Variants in FHIT observed in about 807,000 individuals in gnomAD.
FHIT encodes fragile histidine triad diadenosine triphosphatase.
FHIT carries 19 observed loss-of-function variants against 17.9 expected under a neutral mutation model. That is an observed-to-expected ratio of 1.06 (90% CI 0.74 to 1.56). The LOEUF (loss-of-function observed/expected upper bound fraction) is 1.56, where lower values mean the gene tolerates loss of function less well. Among genes scored for constraint, FHIT ranks in the 40% most tolerant of loss-of-function variants. The pLI, the probability that FHIT is intolerant of heterozygous loss-of-function variation, is 0.00. For missense variants in FHIT, 248 were observed against 189.2 expected, an observed-to-expected ratio of 1.31 and a Z score of -1.82; for synonymous variants, 81 against 69.7, an observed-to-expected ratio of 1.16 and a Z score of -0.81.
intron 5 of FHIT, among the ~76,000 whole-genome samples, chr3:60,433,487 CCATA>C (rs1271478744): frequency 6.6e-6 from 1 of 152,044 alleles, no homozygotes; most frequent in African/African-American, 2.4e-5. Flanking sequence ...TTAGAAATCT[CCATA>C]CAGTTTTCTA....
intron 5 of FHIT, among the ~76,000 whole-genome samples, chr3:60,325,722 C>T (rs1559821571): frequency 6.6e-6 from 1 of 152,300 alleles, no homozygotes; most frequent in East Asian, 1.9e-4. Context: ...AATACAGAGT[C>T]AAACTACAAT....
chr3:60,466,863 TG>T (rs1226527778), intron 5 of FHIT, among the ~76,000 whole-genome samples: 1 of 151,582 alleles, frequency 6.6e-6, no homozygotes, highest in African/African-American at 2.4e-5. Context: ...GTCTGGTTTT[TG>T]TATCAGGGTG....
chr3:60,282,049 G>C (rs1011890001), intron 5 of FHIT, among the ~76,000 whole-genome samples: 1 of 152,134 alleles, frequency 6.6e-6, no homozygotes, highest in African/African-American at 2.4e-5. Flanking sequence ...TTCATGCATT[G>C]TTGGTGGAAA....
intron 5 of FHIT, among the ~76,000 whole-genome samples, chr3:60,366,096 A>G (rs1185577257): frequency 6.6e-6 from 1 of 152,244 alleles, no homozygotes; most frequent in African/African-American, 2.4e-5. Flanking sequence ...TTGTTTTCAG[A>G]AAATGAGTCC....
At chr3:60,230,097 G>A (rs890672585) in intron 5 of FHIT, among the ~76,000 whole-genome samples, 5 of 152,274 alleles carry the variant, frequency 3.3e-5, no homozygotes, top group Non-Finnish European at 5.9e-5. Flanking sequence ...GCCACATGTA[G>A]CTAAATTTAA....
chr3:60,586,068 TAA>T (rs1345771817), intron 4 of FHIT, among the ~76,000 whole-genome samples: 1 of 151,964 alleles, frequency 6.6e-6, no homozygotes, highest in African/African-American at 2.4e-5. Flanking sequence ...TGCTGGTTTA[TAA>T]GACACAGCTG....
chr3:59,870,307 A>G (rs568542207), intron 8 of FHIT, among the ~76,000 whole-genome samples: 46 of 152,322 alleles, frequency 3.0e-4, no homozygotes, highest in Non-Finnish European at 5.6e-4. Context: ...ACAGGTGAGG[A>G]AACTGAAGCT....
chr3:60,497,559 G>A lies in FHIT; in HGVS notation c.103+39301C>T, dbSNP rs192678134. The stretch of plus-strand genomic sequence containing the variant: ...AATATTCTCACACTCACGATCAAAC[G>A]TATTTGCACTTTTTTTCAGTGTTTG... On this transcript the variant is annotated intron_variant, in intron 5 of 9. Coordinates refer to ENST00000492590, the MANE Select transcript of FHIT (RefSeq NM_002012.4). 1.2e-3 allele frequency among the ~76,000 whole-genome samples: 187 copies of A among 152,090 alleles called. 1 individual carries two copies. Among genetic ancestry groups the A allele is most frequent in the African/African-American group, 4.2e-3 (173 of 41,496 alleles).
chr3:60,346,147 G>A (rs1710767149), intron 5 of FHIT, among the ~76,000 whole-genome samples: 1 of 152,166 alleles, frequency 6.6e-6, no homozygotes, highest in South Asian at 2.1e-4. Flanking sequence ...CAAATACACA[G>A]TGACTCCTTA....
At chr3:60,737,083 A>G (rs782030588) in intron 4 of FHIT, among the ~76,000 whole-genome samples, 1 of 152,190 alleles carries the variant, frequency 6.6e-6, no homozygotes, top group Non-Finnish European at 1.5e-5. Context: ...CATAAAAGCT[A>G]TTCGGAGATC....
intron 5 of FHIT, among the ~76,000 whole-genome samples, chr3:60,019,217 G>C (rs376462630): frequency 6.6e-6 from 1 of 151,902 alleles, no homozygotes. Flanking sequence ...ACATTCTATC[G>C]GTCAAAGAAA....
At chr3:60,421,932 C>T (rs936740466) in intron 5 of FHIT, among the ~76,000 whole-genome samples, 7 of 151,986 alleles carry the variant, frequency 4.6e-5, no homozygotes, top group Non-Finnish European at 7.4e-5. Context: ...ACTGGCAAGG[C>T]GCTATCAGCC....
chr3:60,014,486 T>G (rs1354414310), intron 5 of FHIT, among the ~76,000 whole-genome samples: 1 of 152,202 alleles, frequency 6.6e-6, no homozygotes, highest in African/African-American at 2.4e-5. Context: ...TTGACCCCTA[T>G]TCTAAAGCTG....
chr3:60,424,320 G>A (rs1056342441), intron 5 of FHIT, among the ~76,000 whole-genome samples: 2 of 152,118 alleles, frequency 1.3e-5, no homozygotes, highest in African/African-American at 4.8e-5. Flanking sequence ...GCTAATATCG[G>A]AGAACATGTT....
intron 8 of FHIT, among the ~76,000 whole-genome samples, chr3:59,839,205 C>G (rs1701443466): frequency 1.3e-5 from 2 of 151,708 alleles, no homozygotes; most frequent in African/African-American, 4.8e-5. Flanking sequence ...GTAATCCCAC[C>G]TACTCAGGAG....
At chr3:61,107,698 T>C (rs1471627928) in intron 2 of FHIT, among the ~76,000 whole-genome samples, 1 of 152,192 alleles carries the variant, frequency 6.6e-6, no homozygotes, top group African/African-American at 2.4e-5. Context: ...AGGAGTTTAA[T>C]TGAGCAATGA....
intron 7 of FHIT, among the ~76,000 whole-genome samples, chr3:59,928,919 T>C (rs9682843): frequency 0.16 from 21,941 of 135,266 alleles, 2,035 homozygotes; most frequent in Middle Eastern, 0.32. Flanking sequence ...CTCTTAAACC[T>C]GGGAGGTGGA....
At chr3:59,865,421 C>G (rs1400658998) in intron 8 of FHIT, among the ~76,000 whole-genome samples, 2 of 152,234 alleles carry the variant, frequency 1.3e-5, no homozygotes, top group South Asian at 4.1e-4. Flanking sequence ...TAAGCCTTGT[C>G]AGTGTTAATC....
chr3:61,225,860 A>G (rs2039958606), intron 1 of FHIT, among the ~76,000 whole-genome samples: 1 of 152,246 alleles, frequency 6.6e-6, no homozygotes, highest in Non-Finnish European at 1.5e-5. Flanking sequence ...ACAATTCTAT[A>G]AATACAATGT....
Sources: allele counts gnomAD v4.1 joint callset (sites outside exome capture counted in the v4.1 genomes callset), GRCh38; gene constraint gnomAD v4.1.1; transcripts MANE v1.5; gene names NCBI Gene and HGNC (gene_info 2026-07-23, HGNC 2026-07-21).